The following KIAA0319L variants were observed in gnomAD, a reference collection of about 807,000 sequenced individuals.
KIAA0319L encodes the protein dyslexia-associated protein KIAA0319-like protein.
In KIAA0319L, 55 loss-of-function variants were observed where a neutral mutation model predicts 120.1. That is an observed-to-expected ratio of 0.46 (90% CI 0.37 to 0.57). The LOEUF (loss-of-function observed/expected upper bound fraction) is 0.57, where lower values mean the gene tolerates loss of function less well. Ranked by LOEUF, KIAA0319L falls within the 20% of genes least tolerant of loss-of-function variation. KIAA0319L has a pLI of 0.00. For missense variants in KIAA0319L, 1,049 were observed against 1,255.3 expected, an observed-to-expected ratio of 0.84 and a Z score of 2.48; for synonymous variants, 398 against 471.9, an observed-to-expected ratio of 0.84 and a Z score of 2.03.
intron 2 of KIAA0319L, among the ~76,000 whole-genome samples, chr1:35,544,725 C>T (rs1646918965): frequency 1.3e-5 from 2 of 152,184 alleles, no homozygotes; most frequent in African/African-American, 2.4e-5. Flanking sequence ...TAGACAGATA[C>T]ATAAACAACT....
chr1:35,547,033 G>A (rs1647007184), intron 2 of KIAA0319L, among the ~76,000 whole-genome samples: 1 of 145,342 alleles, frequency 6.9e-6, no homozygotes, highest in South Asian at 2.2e-4. Flanking sequence ...GGAATTGCTG[G>A]ATCATATATA....
intron 6 of KIAA0319L, 47 bp downstream of exon 6, chr1:35,470,816 G>A: frequency 1.8e-6 from 2 of 1,132,586 alleles, no homozygotes; most frequent in South Asian, 2.5e-5. Flanking sequence ...TTAGAAAACA[G>A]TCAACTCCTC....
intron 16 of KIAA0319L, 124 bp from the exon 17 acceptor site, chr1:35,444,427 C>T (rs997321336): frequency 1.1e-6 from 1 of 902,266 alleles, no homozygotes; most frequent in Non-Finnish European, 1.6e-6. Flanking sequence ...CATTCTGTTA[C>T]TACAAGCCAG....
intron 2 of KIAA0319L, among the ~76,000 whole-genome samples, chr1:35,549,459 G>A (rs1647116350): frequency 6.6e-6 from 1 of 152,162 alleles, no homozygotes; most frequent in South Asian, 2.1e-4. Flanking sequence ...AAATGGTTCT[G>A]AATTGAATAA....
intron 3 of KIAA0319L, among the ~76,000 whole-genome samples, chr1:35,496,276 C>T (rs1291100866): frequency 1.3e-5 from 2 of 151,522 alleles, no homozygotes; most frequent in African/African-American, 2.4e-5. Flanking sequence ...AAAAATTAGC[C>T]GGGGATGGTG....
chr1:35,550,903 T>C (rs994922924), intron 2 of KIAA0319L, among the ~76,000 whole-genome samples: 1 of 152,142 alleles, frequency 6.6e-6, no homozygotes, highest in Non-Finnish European at 1.5e-5. Context: ...CTGGATAGTA[T>C]CCCACCATGT....
At chr1:35,472,464 G>A in intron 5 of KIAA0319L, among the ~76,000 whole-genome samples, 1 of 152,096 alleles carries the variant, frequency 6.6e-6, no homozygotes, top group Middle Eastern at 3.2e-3. Context: ...GCTAATTTTT[G>A]TATTTTTAGT....
intron 20 of KIAA0319L, chr1:35,438,565 C>G (rs1640967940): frequency 6.9e-6 from 1 of 144,318 alleles, no homozygotes; most frequent in Admixed American, 7.0e-5. Context: ...GCTTTATTGC[C>G]CAGGTTGGAG....
Position 35,450,460 on chromosome 1 carries a change from G to T in KIAA0319L, c.2112C>A (p.Thr704=). ...CCAGCTCTGCTGTGCTCGTGGGTAG[G>T]GTAATCACCACATTCCCAGTTATCT... ...IAKITGNVVI[T]LPTSTAELDG... Residue 704 remains threonine, a synonymous_variant, in exon 14 of 21, where the codon ACC becomes ACA. Transcript: ENST00000325722. The T allele has an allele frequency of 6.2e-7, 1 of 1,613,932 alleles. No homozygotes were observed. The highest frequency in any genetic ancestry group is 8.5e-7 in the Non-Finnish European group (1 of 1,179,864).
At chr1:35,517,380 A>G (rs1645728665) in intron 2 of KIAA0319L, among the ~76,000 whole-genome samples, 1 of 152,164 alleles carries the variant, frequency 6.6e-6, no homozygotes, top group African/African-American at 2.4e-5. Flanking sequence ...GACCAACGGA[A>G]CAGAATAGAG....
At chr1:35,472,196 G>A (rs750361839) in intron 5 of KIAA0319L, among the ~76,000 whole-genome samples, 2 of 152,180 alleles carry the variant, frequency 1.3e-5, no homozygotes, top group South Asian at 2.1e-4. Flanking sequence ...ATTATGCCTC[G>A]CAGGCAGAAA....
intron 2 of KIAA0319L, among the ~76,000 whole-genome samples, chr1:35,540,465 G>A (rs986713039): frequency 1.2e-4 from 18 of 152,128 alleles, no homozygotes; most frequent in African/African-American, 4.8e-5. Flanking sequence ...TGTATCTAAC[G>A]CCCATGAAAT....
chr1:35,540,423 T>A (rs1323685392), intron 2 of KIAA0319L, among the ~76,000 whole-genome samples: 2 of 152,240 alleles, frequency 1.3e-5, no homozygotes, highest in Admixed American at 1.3e-4. Context: ...AGCACCCTAA[T>A]GCAGAAGACT....
At chr1:35,552,464 T>C (rs752356362) in intron 2 of KIAA0319L, among the ~76,000 whole-genome samples, 1 of 152,188 alleles carries the variant, frequency 6.6e-6, no homozygotes, top group African/African-American at 2.4e-5. Flanking sequence ...ACCTCCACCA[T>C]GTTCTTGCTG....
intron 4 of KIAA0319L, among the ~76,000 whole-genome samples, chr1:35,478,118 G>A (rs1313073360): frequency 6.6e-6 from 1 of 152,152 alleles, no homozygotes; most frequent in Non-Finnish European, 1.5e-5. Flanking sequence ...TGGAACTGGA[G>A]GTCATTATGT....
At chr1:35,442,401 TC>T in intron 18 of KIAA0319L, 65 bp from the exon 19 acceptor site, 1 of 1,277,342 alleles carries the variant, frequency 7.8e-7, no homozygotes, top group Non-Finnish European at 1.1e-6. Context: ...TCTGGGCTGC[TC>T]CCAGCTTGGG....
At chr1:35,468,703 A>C (rs1307408638) in intron 6 of KIAA0319L, among the ~76,000 whole-genome samples, 1 of 152,176 alleles carries the variant, frequency 6.6e-6, no homozygotes, top group African/African-American at 2.4e-5. Flanking sequence ...ATCAATCATC[A>C]AATTTTATCA....
At position 35,478,556 on chromosome 1, in the gene KIAA0319L, C is replaced by CAA. The variant is rs771029810; in HGVS notation, c.913+408_913+409dup. ...AATGTATACAACTACTATATATCCA[C>CAA]AAAAATTAAAAGTTTTAAAAATAAA... On this transcript the variant is annotated intron_variant, in intron 4 of 20. Coordinates refer to ENST00000325722, the MANE Select transcript of KIAA0319L (RefSeq NM_024874.5). Among the ~76,000 whole-genome samples the CAA allele has an allele frequency of 1.3e-3, 190 of 151,790 alleles. 2 individuals carry two copies. The East Asian group carries it at 0.017, about 14-fold the overall frequency.
rs1198710657 is a variant in KIAA0319L, at chr1:35,484,806, A to ATT, written c.667-5596_667-5595dup. On this transcript the variant is annotated intron_variant, in intron 3 of 20. Coordinates refer to ENST00000325722, the MANE Select transcript of KIAA0319L (RefSeq NM_024874.5). ...TATATATATATATATATATATATATATTTTTTTTTTTATTATACTCTAAGT... is the reference window on the plus strand; with the variant it reads ...TATATATATATATATATATATATATATTTTTTTTTTTTTATTATACTCTAAGT... Among the ~76,000 whole-genome samples, 721 of 86,146 alleles carry ATT rather than the reference A, an allele frequency of 8.4e-3. 14 individuals are homozygous for ATT. Among genetic ancestry groups the ATT allele is most frequent in the Non-Finnish European group, 0.012 (544 of 46,108 alleles). 56.5% of individuals were successfully genotyped at this position (86,146 alleles called of 152,430 possible). A position where few individuals can be genotyped will look rare whatever the true frequency, so the allele number is the denominator to read the frequency against.
Sources: gnomAD v4.1 joint callset for allele counts (sites outside exome capture counted in the v4.1 genomes callset) on GRCh38, gnomAD v4.1.1 for gene constraint, MANE v1.5 for transcripts, NCBI Gene and HGNC (gene_info 2026-07-23, HGNC 2026-07-21) for gene names.